The following PCP4 variants were observed in gnomAD, a reference collection of about 807,000 sequenced individuals.
PCP4 encodes Purkinje cell protein 4, also known as calmodulin regulator protein PCP4.
In PCP4, 8 loss-of-function variants were observed where a neutral mutation model predicts 10.0. The ratio of observed to expected loss-of-function variants is 0.80; its 90% confidence interval spans 0.47 to 1.45. The LOEUF (loss-of-function observed/expected upper bound fraction) is 1.45, where lower values mean the gene tolerates loss of function less well. Among genes scored for constraint, PCP4 ranks in the 40% most tolerant of loss-of-function variants. The pLI is 0.00. For synonymous variants in PCP4, 21 were observed against 23.0 expected (o/e 0.91, Z 0.24); for missense variants, 54 against 74.4 (o/e 0.73, Z 1.01).
chr21:39,886,551 G>A (rs2087401506), intron 1 of PCP4, among the ~76,000 whole-genome samples: 1 of 152,160 alleles, frequency 6.6e-6, no homozygotes. Flanking sequence ...GTTGCAGTGA[G>A]CCAAGATCAC....
chr21:39,875,442 G>A (rs1375949549), intron 1 of PCP4, among the ~76,000 whole-genome samples: 2 of 152,194 alleles, frequency 1.3e-5, no homozygotes, highest in Non-Finnish European at 1.5e-5. Context: ...ATGGTGTGGA[G>A]CCTTCCTTTA....
intron 1 of PCP4, among the ~76,000 whole-genome samples, chr21:39,882,027 T>G (rs886143755): frequency 2.6e-5 from 4 of 152,230 alleles, no homozygotes; most frequent in African/African-American, 9.6e-5. Context: ...GTAGGCTTGT[T>G]TCCATGAGAG....
At chr21:39,879,440 C>T (rs1429659406) in intron 1 of PCP4, among the ~76,000 whole-genome samples, 3 of 152,134 alleles carry the variant, frequency 2.0e-5, no homozygotes, top group Non-Finnish European at 4.4e-5. Flanking sequence ...TATGAATTTC[C>T]ATGTCATCAC....
At chr21:39,908,818 C>T (rs1318900126) in intron 2 of PCP4, among the ~76,000 whole-genome samples, 7 of 152,262 alleles carry the variant, frequency 4.6e-5, no homozygotes, top group Middle Eastern at 6.8e-3. Context: ...CTAAGCTTTG[C>T]CTCCACCCCT....
intron 2 of PCP4, among the ~76,000 whole-genome samples, chr21:39,914,530 G>A (rs1433078184): frequency 2.9e-5 from 4 of 135,714 alleles, no homozygotes; most frequent in Non-Finnish European, 6.0e-5. Flanking sequence ...GCAGTGAGCC[G>A]AGATCATGCC....
intron 1 of PCP4, among the ~76,000 whole-genome samples, chr21:39,887,091 C>A (rs2087403873): frequency 6.6e-6 from 1 of 151,920 alleles, no homozygotes; most frequent in African/African-American, 2.4e-5. Flanking sequence ...AAATTAATTC[C>A]AATAAAATAA....
chr21:39,878,897 G>A (rs1037007380), intron 1 of PCP4, among the ~76,000 whole-genome samples: 3 of 152,068 alleles, frequency 2.0e-5, no homozygotes, highest in Admixed American at 2.0e-4. Flanking sequence ...AGATAATACA[G>A]TGCCACACCT....
At chr21:39,918,107 C>T (rs535166570) in intron 2 of PCP4, among the ~76,000 whole-genome samples, 8 of 152,232 alleles carry the variant, frequency 5.3e-5, no homozygotes, top group African/African-American at 1.4e-4. Context: ...TAAGTGACCC[C>T]GTGTGTGATA....
chr21:39,900,032 G>A (rs574922903), intron 2 of PCP4, among the ~76,000 whole-genome samples: 12 of 152,132 alleles, frequency 7.9e-5, no homozygotes, highest in East Asian at 3.9e-4. Flanking sequence ...CTCTATTGTC[G>A]TGATTCTCAA....
chr21:39,888,981 G>A (rs1316670205), intron 1 of PCP4, among the ~76,000 whole-genome samples: 1 of 152,198 alleles, frequency 6.6e-6, no homozygotes, highest in Non-Finnish European at 1.5e-5. Flanking sequence ...AACTAGAGAA[G>A]TTTTCCTGTG....
chr21:39,927,373 T>TATATATCTATC (rs2087629979), intron 2 of PCP4, among the ~76,000 whole-genome samples: 1 of 11,372 alleles, frequency 8.8e-5, no homozygotes, highest in African/African-American at 2.4e-4. Context: ...ATCTATCATC[T>TATATATCTATC]ATCTATCTAT....
At chr21:39,900,320 C>T (rs140270796) in intron 2 of PCP4, among the ~76,000 whole-genome samples, 1 of 152,292 alleles carries the variant, frequency 6.6e-6, no homozygotes, top group East Asian at 1.9e-4. Flanking sequence ...CAGGTGTGAG[C>T]CACTGCACCC....
At position 39,898,461 on chromosome 21, in the gene PCP4, A is replaced by C. The variant is rs778018654; in HGVS notation, c.10-15A>C. The C allele has an allele frequency of 1.9e-6, 3 of 1,610,876 alleles. No homozygotes were observed. In the East Asian group the frequency reaches 6.7e-5, roughly 36 times the overall value. On this transcript the variant is annotated splice_polypyrimidine_tract_variant and intron_variant, in intron 1 of 2. Coordinates refer to ENST00000328619, the MANE Select transcript of PCP4 (RefSeq NM_006198.3). The stretch of plus-strand genomic sequence containing the variant: ...CTGATAACAATTGCTTTTTTCTTTT[A>C]TTTTTTGCCTTTAGCGACAAGGTGC...
At chr21:39,880,933 A>G (rs188643138) in intron 1 of PCP4, among the ~76,000 whole-genome samples, 70 of 152,312 alleles carry the variant, frequency 4.6e-4, no homozygotes, top group Non-Finnish European at 5.9e-5. Flanking sequence ...TTTGAAACAA[A>G]ATATGGAACA....
intron 2 of PCP4, among the ~76,000 whole-genome samples, chr21:39,912,860 C>T (rs1188579330): frequency 1.3e-5 from 2 of 152,070 alleles, no homozygotes; most frequent in Non-Finnish European, 2.9e-5. Context: ...CAGGTGCGGG[C>T]CACTATAACC....
intron 1 of PCP4, among the ~76,000 whole-genome samples, chr21:39,888,720 A>G (rs1348721865): frequency 1.3e-5 from 2 of 152,288 alleles, no homozygotes; most frequent in Non-Finnish European, 2.9e-5. Context: ...GCTGTGAGCC[A>G]CCAAAGTGGA....
At chr21:39,919,229 C>T (rs1287445392) in intron 2 of PCP4, among the ~76,000 whole-genome samples, 1 of 152,130 alleles carries the variant, frequency 6.6e-6, no homozygotes, top group South Asian at 2.1e-4. Flanking sequence ...CGAGGGGATC[C>T]CAGCTAAGAG....
At chr21:39,889,382 T>G (rs2146332406) in intron 1 of PCP4, among the ~76,000 whole-genome samples, 1 of 149,992 alleles carries the variant, frequency 6.7e-6, no homozygotes, top group Non-Finnish European at 1.5e-5. Context: ...TCCAACCATA[T>G]CTCACCAAAT....
At chr21:39,890,651 G>A (rs751610380) in intron 1 of PCP4, among the ~76,000 whole-genome samples, 3 of 152,102 alleles carry the variant, frequency 2.0e-5, no homozygotes, top group Non-Finnish European at 4.4e-5. Context: ...TTACAGGCAT[G>A]AGCCACCGTG....
Sources: allele counts gnomAD v4.1 joint callset (sites outside exome capture counted in the v4.1 genomes callset), GRCh38; gene constraint gnomAD v4.1.1; transcripts MANE v1.5; gene names NCBI Gene and HGNC (gene_info 2026-07-23, HGNC 2026-07-21).